Variants in FAM76A observed in about 807,000 individuals in gnomAD.
FAM76A encodes the protein family with sequence similarity 76 member A, also known as protein FAM76A.
Under a neutral mutation model 46.2 loss-of-function variants are expected in FAM76A, and 32 were observed. The ratio of observed to expected loss-of-function variants is 0.69; its 90% CI spans 0.52 to 0.93. FAM76A has a LOEUF of 0.93. Among genes scored for constraint, FAM76A ranks in the 40% least tolerant of loss-of-function variants. The pLI is 0.00. For synonymous variants in FAM76A, 137 were observed against 127.0 expected (o/e 1.08, Z -0.53); for missense variants, 274 against 361.5 (o/e 0.76, Z 1.96).
At position 27,727,518 on chromosome 1, in the gene FAM76A, C is replaced by T; in HGVS notation, c.128C>T (p.Thr43Ile). ...GTTGTGAAGTGCACCTACTGCAGGA[C>T]TGAGTACCAGCAGGAGAGGTAGAGT... ...HPVVKCTYCRTEYQQESKTNT... is the reference protein window; with the variant it reads ...HPVVKCTYCRIEYQQESKTNT... Residue 43 changes from threonine to isoleucine, a missense_variant, in exon 2 of 9, where the codon ACT becomes ATT. Coordinates refer to ENST00000373954, the MANE Select transcript of FAM76A (RefSeq NM_152660.3). 6.2e-7 allele frequency: 1 copy of T among 1,613,440 alleles called. No individual in the cohort carries two copies. The highest frequency in any genetic ancestry group is 2.2e-5 in the East Asian group (1 of 44,874).
At chr1:27,753,380 A>G (rs2088361532) in intron 6 of FAM76A, among the ~76,000 whole-genome samples, 1 of 152,318 alleles carries the variant, frequency 6.6e-6, no homozygotes, top group South Asian at 2.1e-4. Flanking sequence ...AATAGACTCT[A>G]TTCAGTTGAA....
In FAM76A at chr1:27,735,957, A is replaced by C. The variant is rs546710857; in HGVS notation, c.354+1774A>C. On this transcript the variant is annotated intron_variant, in intron 4 of 8. Transcript: ENST00000373954. ...GCTTTATAAATTACAATCCTGTCTC[A>C]AGTATTTAGATATTTTTAGACATCT... is the stretch of plus-strand genomic sequence containing the variant. Among the ~76,000 whole-genome samples, 11 of 152,296 alleles carry C rather than the reference A, an allele frequency of 7.2e-5. No individual in the cohort carries two copies. The South Asian group carries it at 2.3e-3, about 32-fold the overall frequency.
intron 6 of FAM76A, among the ~76,000 whole-genome samples, chr1:27,753,187 A>G (rs566370801): frequency 2.0e-5 from 3 of 152,262 alleles, no homozygotes; most frequent in Admixed American, 6.5e-5. Context: ...CAAAAAGAAA[A>G]AAAGAGAAAA....
At chr1:27,745,970 G>A (rs1409137240) in intron 5 of FAM76A, among the ~76,000 whole-genome samples, 3 of 152,106 alleles carry the variant, frequency 2.0e-5, no homozygotes, top group Admixed American at 1.3e-4. Context: ...GGGTGTTAGT[G>A]GGAAGCTATT....
intron 6 of FAM76A, among the ~76,000 whole-genome samples, chr1:27,749,481 C>G (rs942623282): frequency 6.6e-6 from 1 of 152,122 alleles, no homozygotes; most frequent in African/African-American, 2.4e-5. Context: ...AATTCTCATG[C>G]CTCAGTCTCC....
intron 8 of FAM76A, chr1:27,759,924 T>C (rs746507457): frequency 2.6e-5 from 13 of 495,132 alleles, no homozygotes; most frequent in Admixed American, 4.6e-5. Flanking sequence ...TATACCACCA[T>C]ACCCCACTAA....
intron 4 of FAM76A, chr1:27,739,581 G>A (rs2088115765): frequency 3.2e-6 from 1 of 313,090 alleles, no homozygotes. Flanking sequence ...GAGCCCAGGA[G>A]TTGGAGACCA....
intron 1 of FAM76A, 35 bp from the exon 2 acceptor site, chr1:27,727,437 C>T (rs1199344291): frequency 1.3e-6 from 2 of 1,591,776 alleles, no homozygotes; most frequent in South Asian, 2.2e-5. Flanking sequence ...CCATTTGTGA[C>T]TGCCTTTTAA....
chr1:27,746,703 G>C (rs190939675), intron 5 of FAM76A, among the ~76,000 whole-genome samples: 1 of 152,092 alleles, frequency 6.6e-6, no homozygotes, highest in South Asian at 2.1e-4. Flanking sequence ...CTCCATGCTC[G>C]GTGACAGAGC....
At chr1:27,726,819 C>A (rs775380217) in intron 1 of FAM76A, among the ~76,000 whole-genome samples, 2 of 152,152 alleles carry the variant, frequency 1.3e-5, no homozygotes, top group African/African-American at 2.4e-5. Context: ...GGTCCAACTT[C>A]TCTTTTTCTT....
At position 27,759,520 on chromosome 1, in the gene FAM76A, C is replaced by G; in HGVS notation, c.736-6C>G. On this transcript the variant is annotated splice_polypyrimidine_tract_variant and splice_region_variant and intron_variant, in intron 7 of 8. Transcript: ENST00000373954. ...TCTTCTGGTTATTCTGCCTTGTTTC[C>G]CTCAGATTACAGAGTTGAAGGCTGA... 6.3e-7 allele frequency: 1 copy of G among 1,597,304 alleles called. No homozygotes were observed. The highest frequency in any genetic ancestry group is 8.5e-7 in the Non-Finnish European group (1 of 1,171,894).
chr1:27,729,995 G>A (rs1305252668), intron 2 of FAM76A, among the ~76,000 whole-genome samples: 1 of 151,908 alleles, frequency 6.6e-6, no homozygotes, highest in Non-Finnish European at 1.5e-5. Flanking sequence ...GCCTATTCTG[G>A]GACTTCATGT....
At chr1:27,740,042 GGTCCACCTGGAT>G (rs1218715031) in intron 4 of FAM76A, 2 of 391,032 alleles carry the variant, frequency 5.1e-6, no homozygotes, top group Non-Finnish European at 1.0e-5. Flanking sequence ...CTAGACTCTG[GGTCCACCTGGAT>G]GTCATGGATG....
intron 2 of FAM76A, among the ~76,000 whole-genome samples, chr1:27,727,742 C>T (rs2087884545): frequency 6.7e-6 from 1 of 149,802 alleles, no homozygotes; most frequent in South Asian, 2.1e-4. Flanking sequence ...GTGAGATATA[C>T]AATGAAGGGT....
At chr1:27,741,919 A>G (rs2148575768) in intron 4 of FAM76A, among the ~76,000 whole-genome samples, 1 of 151,794 alleles carries the variant, frequency 6.6e-6, no homozygotes, top group African/African-American at 2.4e-5. Flanking sequence ...AATCATTTAC[A>G]TTTAAGAAAC....
intron 4 of FAM76A, chr1:27,740,012 G>T: frequency 2.9e-6 from 1 of 340,982 alleles, no homozygotes; most frequent in East Asian, 7.0e-5. Flanking sequence ...GCCAGTTTAG[G>T]GGTCAAGTGC....
At chr1:27,759,324 A>G (rs533890446) in intron 7 of FAM76A, among the ~76,000 whole-genome samples, 3 of 152,212 alleles carry the variant, frequency 2.0e-5, no homozygotes, top group African/African-American at 7.2e-5. Context: ...AAATATTCAG[A>G]AATGTTAGTT....
At chr1:27,727,026 C>T (rs557118322) in intron 1 of FAM76A, among the ~76,000 whole-genome samples, 4 of 152,232 alleles carry the variant, frequency 2.6e-5, no homozygotes, top group East Asian at 1.9e-4. Flanking sequence ...TTTTTATATA[C>T]CAGGTCTGGG....
chr1:27,734,474 G>GAGGCAACCTTGCCC (rs1010153508), intron 4 of FAM76A, among the ~76,000 whole-genome samples: 3 of 152,124 alleles, frequency 2.0e-5, no homozygotes, highest in Non-Finnish European at 4.4e-5. Context: ...TTGAACCCGG[G>GAGGCAACCTTGCCC]AGGCAGAGGT....
Sources: allele counts gnomAD v4.1 joint callset (sites outside exome capture counted in the v4.1 genomes callset), GRCh38; gene constraint gnomAD v4.1.1; transcripts MANE v1.5; gene names NCBI Gene and HGNC (gene_info 2026-07-23, HGNC 2026-07-21).